SNX11: variants seen among roughly 807,000 people sequenced by gnomAD.
SNX11 encodes sorting nexin-11.
A neutral mutation model predicts 30.7 loss-of-function variants in SNX11; 19 were observed. The observed-to-expected ratio is 0.62, with a 90% confidence interval of 0.43 to 0.91. The LOEUF is 0.91. Among genes scored for constraint, SNX11 ranks in the 40% least tolerant of loss-of-function variants. The pLI, the probability that SNX11 is intolerant of heterozygous loss-of-function variation, is 0.00. For synonymous variants in SNX11, 112 were observed against 119.0 expected (o/e 0.94, Z 0.38); for missense variants, 302 against 326.7 (o/e 0.92, Z 0.58).
At chr17:48,120,201 G>GTTTTTTTTT (rs61680588) in intron 6 of SNX11, among the ~76,000 whole-genome samples, 8 of 74,220 alleles carry the variant, frequency 1.1e-4, no homozygotes, top group African/African-American at 1.8e-4. Flanking sequence ...GCATTTATCT[G>GTTTTTTTTT]TTTTTTTTTT....
chr17:48,111,993 A>T (rs1245312481), intron 1 of SNX11, 38 bp from the exon 2 acceptor site: 1 of 1,521,156 alleles, frequency 6.6e-7, no homozygotes, highest in Non-Finnish European at 9.1e-7. Context: ...GAACAGAGGC[A>T]TACTAACCTT....
Position 48,113,295 on chromosome 17 carries a change from G to A in SNX11, c.130-6G>A, listed in dbSNP as rs1159381626. ...TTTCATGTACTTCATGTGCTTTCAT[G>A]TATAGACCAACAGCAAAGCCTTTAC... On this transcript the variant is annotated splice_region_variant and splice_polypyrimidine_tract_variant and intron_variant, in intron 3 of 6. Coordinates refer to ENST00000359238, the MANE Select transcript of SNX11 (RefSeq NM_013323.3). 3.1e-6 allele frequency: 5 copies of A among 1,611,404 alleles called. No individual in the cohort carries two copies. The Admixed American group carries it at 8.3e-5, about 27-fold the overall frequency.
chr17:48,118,820 G>A (rs1301501646), intron 5 of SNX11, 21 bp downstream of exon 5: 3 of 1,606,916 alleles, frequency 1.9e-6, no homozygotes, highest in Non-Finnish European at 2.6e-6. Context: ...AGAACGGCTG[G>A]TGCTGGCCAC....
chr17:48,115,186 C>T (rs1270424073), intron 4 of SNX11, among the ~76,000 whole-genome samples: 6 of 151,744 alleles, frequency 4.0e-5, no homozygotes, highest in African/African-American at 1.2e-4. Flanking sequence ...CTCAGCTTCC[C>T]GAGTAGCTGG....
intron 4 of SNX11, 119 bp from the exon 5 acceptor site, chr17:48,118,585 A>G: frequency 1.4e-6 from 1 of 697,244 alleles, no homozygotes. Flanking sequence ...CTCAAAAAAA[A>G]AAAAAAAAGC....
intron 4 of SNX11, 80 bp from the exon 5 acceptor site, chr17:48,118,624 G>A (rs2063568176): frequency 2.0e-6 from 2 of 992,322 alleles, no homozygotes; most frequent in South Asian, 2.9e-5. Flanking sequence ...CTCTTTTTAA[G>A]GGATTTCCTT....
chr17:48,123,369 C>T lies in SNX11; in HGVS notation c.*1861C>T, dbSNP rs890148630. 5.3e-5 allele frequency among the ~76,000 whole-genome samples: 8 copies of T among 152,068 alleles called. No homozygotes were observed. The highest frequency in any genetic ancestry group is 1.7e-4 in the African/African-American group (7 of 41,412). On this transcript the variant is annotated 3_prime_UTR_variant, in exon 7 of 7. Transcript: ENST00000359238. ...AGCTGTGCCTGAAGCTCTCTGATCTCGAAACTTCCAGACAGGAGCTGGAGG... is the reference window on the plus strand; with the variant it reads ...AGCTGTGCCTGAAGCTCTCTGATCTTGAAACTTCCAGACAGGAGCTGGAGG...
intron 1 of SNX11, chr17:48,111,065 G>A (rs1291532543): frequency 1.0e-6 from 1 of 984,706 alleles, no homozygotes; most frequent in Non-Finnish European, 1.2e-6. Context: ...ATCCTGAGTC[G>A]ACCTGTGCAG....
At position 48,121,318 on chromosome 17, in the gene SNX11, C is replaced by A. The variant is rs753983619; in HGVS notation, c.623C>A (p.Ala208Asp). 6.2e-7 allele frequency: 1 copy of A among 1,614,174 alleles called. No individual in the cohort carries two copies. Among genetic ancestry groups the A allele is most frequent in the Admixed American group, 1.7e-5 (1 of 60,014 alleles). Residue 208 changes from alanine (A) to aspartate (D), a missense_variant, in exon 7 of 7, where the codon GCT becomes GAT. Physicochemically the swap from Ala to Asp is moderately radical, Grantham distance 126 (BLOSUM62 -2). Transcript: ENST00000359238. ...GAAAAGGACCATTTAGAAGTGTGGG[C>A]TCCAGTTGTTGACTCTGAGGTTCCT... ...SEEKDHLEVW[A>D]PVVDSEVPSL...
Position 48,111,000 on chromosome 17 carries a change from T to C in SNX11, c.-13-1031T>C, listed in dbSNP as rs1163460232. On this transcript the variant is annotated intron_variant, in intron 1 of 6. Coordinates refer to ENST00000359238, the MANE Select transcript of SNX11 (RefSeq NM_013323.3). ...GTCGCTATACACGTGAACTGCCACA[T>C]TGGGGAAAATCAGGGGCTGAGGCTT... is the stretch of plus-strand genomic sequence containing the variant. 2.6e-5 allele frequency: 19 copies of C among 737,186 alleles called. No homozygotes were observed. The East Asian group carries it at 1.7e-3, about 66-fold the overall frequency. 45.7% of individuals were successfully genotyped at this position (737,186 alleles called of 1,614,324 possible).
chr17:48,113,347 G>A lies in SNX11; in HGVS notation c.176G>A (p.Arg59His), dbSNP rs370790863. Residue 59 changes from arginine to histidine, a missense_variant, in exon 4 of 7, where the codon CGC becomes CAC. By Grantham distance (29) the Arg-to-His change is conservative (BLOSUM62 0). Coordinates refer to ENST00000359238, the MANE Select transcript of SNX11 (RefSeq NM_013323.3). The part of the protein sequence containing the change: ...FTAKTSCVRR[R>H]YREFVWLRKQ... ...GCCAAGACTTCCTGTGTGCGGCGCC[G>A]CTACCGTGAGTTCGTGTGGCTGAGA... 23 of 1,613,620 alleles carry A rather than the reference G, an allele frequency of 1.4e-5. No individual in the cohort carries two copies. The South Asian group carries it at 1.4e-4, about 10-fold the overall frequency.
intron 3 of SNX11, 132 bp from the exon 4 acceptor site, chr17:48,113,169 C>A: frequency 1.5e-6 from 1 of 679,712 alleles, no homozygotes; most frequent in Non-Finnish European, 2.6e-6. Context: ...GCACCTTGTT[C>A]TAGTTGGGGA....
chr17:48,113,496 A>G, intron 4 of SNX11, 95 bp downstream of exon 4: 2 of 800,896 alleles, frequency 2.5e-6, no homozygotes, highest in South Asian at 2.9e-5. Context: ...CTTGCAACAT[A>G]CCAGGCACTA....
At chr17:48,113,566 T>C (rs12601675) in intron 4 of SNX11, 165 bp downstream of exon 4, 259,963 of 421,694 alleles carry the variant, frequency 0.62, 66,119 homozygotes, top group Admixed American at 0.72. Flanking sequence ...TTTTTTTTGA[T>C]GTAGGGTCTT....
chr17:48,121,155 TA>T (rs2063596890), intron 6 of SNX11, 79 bp from the exon 7 acceptor site: 1 of 1,466,718 alleles, frequency 6.8e-7, no homozygotes, highest in African/African-American at 1.4e-5. Flanking sequence ...CTGGCTAATT[TA>T]TTTTTTTGTA....
chr17:48,111,034 C>T, intron 1 of SNX11: 1 of 952,994 alleles, frequency 1.0e-6, no homozygotes, highest in Non-Finnish European at 1.2e-6. Flanking sequence ...TTTAATGAAT[C>T]TTTACAAAGG....
rs1310380515 is a variant in SNX11, at chr17:48,112,424, CTGAATTGAGTGAA to C, written c.43-145_43-133del. The C allele has an allele frequency of 4.4e-6, 3 of 682,202 alleles. No individual in the cohort carries two copies. The East Asian group carries it at 7.4e-5, about 17-fold the overall frequency. 42.3% of individuals were successfully genotyped at this position (682,202 alleles called of 1,614,324 possible). A position where few individuals can be genotyped will look rare whatever the true frequency, so the allele number is the denominator to read the frequency against. ...AGTAAAAATTTGTTGAATTGAGTGA[CTGAATTGAGTGAA>C]TGAAAGTTGAATTGAATAAATGAAA... On this transcript the variant is annotated intron_variant, in intron 2 of 6. Transcript: ENST00000359238.
intron 4 of SNX11, among the ~76,000 whole-genome samples, chr17:48,118,120 T>C (rs1211233245): frequency 6.6e-6 from 1 of 152,222 alleles, no homozygotes; most frequent in East Asian, 1.9e-4. Context: ...TTGCTGCTTA[T>C]TAGCTGTGTA....
rs1456976790 is a variant in SNX11 at position 48,122,660 on chromosome 17, T to A, written c.*1152T>A. Reference sequence around the variant, plus strand: ...TATCCTACCCTGTCTGTGGGCTCTTTTACTACCAGCCTATGCTGTGGGACT... The same window carrying A: ...TATCCTACCCTGTCTGTGGGCTCTTATACTACCAGCCTATGCTGTGGGACT... On this transcript the variant is annotated 3_prime_UTR_variant, in exon 7 of 7. Transcript: ENST00000359238. 2.0e-5 allele frequency: 3 copies of A among 152,258 alleles called. No homozygotes were observed. The highest frequency in any genetic ancestry group is 2.9e-5 in the Non-Finnish European group (2 of 68,080). The allele number at this position is 152,258 out of a possible 1,614,324, so 9.4% of individuals were successfully genotyped here. A position where few individuals can be genotyped will look rare whatever the true frequency, so the allele number is the denominator to read the frequency against.
Sources: gnomAD v4.1 joint callset for allele counts (sites outside exome capture counted in the v4.1 genomes callset) on GRCh38, gnomAD v4.1.1 for gene constraint, MANE v1.5 for transcripts, NCBI Gene and HGNC (gene_info 2026-07-23, HGNC 2026-07-21) for gene names.